ATP8A2: variants seen among roughly 807,000 people sequenced by gnomAD.
ATP8A2 encodes ATPase phospholipid transporting 8A2, also known as phospholipid-transporting ATPase IB.
ATP8A2 carries 100 observed loss-of-function variants against 165.6 expected under a neutral mutation model. The observed-to-expected ratio is 0.60, with a 90% CI of 0.51 to 0.71. The LOEUF is 0.71. Among genes scored for constraint, ATP8A2 ranks in the 30% least tolerant of loss-of-function variants. ATP8A2 has a pLI of 0.00. For missense variants in ATP8A2, 1,227 were observed against 1,479.5 expected, an observed-to-expected ratio of 0.83 and a Z score of 2.80; for synonymous variants, 543 against 548.8, an observed-to-expected ratio of 0.99 and a Z score of 0.15.
At chr13:25,748,642 T>C (rs1443166993) in intron 25 of ATP8A2, among the ~76,000 whole-genome samples, 1 of 152,314 alleles carries the variant, frequency 6.6e-6, no homozygotes, top group Non-Finnish European at 1.5e-5. Context: ...CAAAAGAAGT[T>C]ACTGCTCTGC....
At chr13:25,699,732 TG>T (rs1051231697) in intron 25 of ATP8A2, among the ~76,000 whole-genome samples, 28 of 152,262 alleles carry the variant, frequency 1.8e-4, no homozygotes, top group African/African-American at 6.0e-4. Context: ...TGGCGTTTGT[TG>T]GGGTATTTCT....
intron 33 of ATP8A2, among the ~76,000 whole-genome samples, chr13:25,893,861 G>A (rs914095517): frequency 1.1e-4 from 17 of 152,248 alleles, no homozygotes; most frequent in East Asian, 7.7e-4. Flanking sequence ...TTTGAGAAGT[G>A]TCTGTTCATA....
intron 2 of ATP8A2, among the ~76,000 whole-genome samples, chr13:25,470,970 G>A (rs1011878482): frequency 6.6e-6 from 1 of 152,052 alleles, no homozygotes; most frequent in East Asian, 1.9e-4. Flanking sequence ...GAGAGAAAAG[G>A]TTGGGGGGAA....
chr13:25,784,003 T>G (rs1322983516), intron 27 of ATP8A2, among the ~76,000 whole-genome samples: 2 of 152,138 alleles, frequency 1.3e-5, no homozygotes, highest in Non-Finnish European at 2.9e-5. Context: ...AGAGAAATAC[T>G]AGCAGTCTGG....
At chr13:25,425,643 C>T (rs1214996640) in intron 1 of ATP8A2, among the ~76,000 whole-genome samples, 3 of 151,582 alleles carry the variant, frequency 2.0e-5, no homozygotes, top group East Asian at 3.9e-4. Flanking sequence ...GGCACAATCT[C>T]GGCTCACTGC....
chr13:25,774,899 C>T lies in ATP8A2; in HGVS notation c.2619C>T (p.Asn873=), dbSNP rs2044707413. 6.2e-7 allele frequency: 1 copy of T among 1,613,924 alleles called. No individual in the cohort carries two copies. The highest frequency in any genetic ancestry group is 8.5e-7 in the Non-Finnish European group (1 of 1,179,850). Residue 873 remains asparagine, a synonymous_variant, in exon 27 of 37, where the codon AAC becomes AAT. Coordinates refer to ENST00000381655, the MANE Select transcript of ATP8A2 (RefSeq NM_016529.6). ...LLLVHGAWSY[N]RVTKCILYCF... ...TGGTTCATGGAGCCTGGAGCTACAA[C>T]CGGGTGACCAAGTGCATCTTGTACT...
chr13:25,793,035 GGAGAA>G lies in ATP8A2; in HGVS notation c.2679+18095_2679+18099del, dbSNP rs369418002. Among the ~76,000 whole-genome samples, 310 of 121,588 alleles carry G rather than the reference GGAGAA, an allele frequency of 2.5e-3. 6 individuals carry two copies. The East Asian group carries it at 0.047, about 18-fold the overall frequency. 79.8% of individuals were successfully genotyped at this position (121,588 alleles called of 152,430 possible). ...GCAGGAGAGAAGAGAGGAGAAGAGAGGAGAAGAGAAGAGAAGAGAAGAGCAAAACT... is the reference window on the plus strand; with the variant it reads ...GCAGGAGAGAAGAGAGGAGAAGAGAGGAGAAGAGAAGAGAAGAGCAAAACT... On this transcript the variant is annotated intron_variant, in intron 27 of 36. Coordinates refer to ENST00000381655, the MANE Select transcript of ATP8A2 (RefSeq NM_016529.6).
At chr13:25,991,725 C>T (rs9578947) in intron 35 of ATP8A2, among the ~76,000 whole-genome samples, 2,350 of 152,248 alleles carry the variant, frequency 0.015, 61 homozygotes, top group African/African-American at 0.053. Context: ...ATGTACCACG[C>T]GTTGCTTGAC....
At chr13:25,961,379 A>G (rs2296243) in intron 33 of ATP8A2, among the ~76,000 whole-genome samples, 196 bp from the exon 34 acceptor site, 17,006 of 152,264 alleles carry the variant, frequency 0.11, 1,621 homozygotes, top group East Asian at 0.49. Flanking sequence ...GAATGAAAGT[A>G]AGAAGAGAGA....
At chr13:25,979,041 G>A (rs562354113) in intron 35 of ATP8A2, among the ~76,000 whole-genome samples, 1 of 150,692 alleles carries the variant, frequency 6.6e-6, no homozygotes, top group East Asian at 1.9e-4. Context: ...GGCCCCTGAC[G>A]TGGTCTCTGT....
At chr13:25,396,248 G>A (rs1273379849) in intron 1 of ATP8A2, among the ~76,000 whole-genome samples, 1 of 152,184 alleles carries the variant, frequency 6.6e-6, no homozygotes, top group Non-Finnish European at 1.5e-5. Context: ...TGTGGAGTGG[G>A]ATCCTCTCTG....
intron 27 of ATP8A2, among the ~76,000 whole-genome samples, chr13:25,783,161 G>A (rs74039727): frequency 0.014 from 2,061 of 152,226 alleles, 39 homozygotes; most frequent in African/African-American, 0.045. Context: ...GCTGTACAGC[G>A]TAAGTGCTCT....
chr13:25,395,114 GTCTTT>G (rs1443286629), intron 1 of ATP8A2, among the ~76,000 whole-genome samples: 1 of 152,110 alleles, frequency 6.6e-6, no homozygotes, highest in African/African-American at 2.4e-5. Flanking sequence ...AAATTTGCAT[GTCTTT>G]TCTTCTCTTC....
chr13:25,394,777 G>C (rs140728413), intron 1 of ATP8A2, among the ~76,000 whole-genome samples: 41 of 152,324 alleles, frequency 2.7e-4, no homozygotes, highest in Middle Eastern at 6.8e-3. Context: ...ATTTGTAAAA[G>C]TGTCTCCCTC....
intron 24 of ATP8A2, among the ~76,000 whole-genome samples, chr13:25,695,604 T>G (rs776956458): frequency 1.3e-5 from 2 of 152,266 alleles, no homozygotes; most frequent in Non-Finnish European, 2.9e-5. Flanking sequence ...ATTTCAAGAA[T>G]GTTCACGGCG....
chr13:25,776,032 G>T (rs1295129160), intron 27 of ATP8A2, among the ~76,000 whole-genome samples: 2 of 152,194 alleles, frequency 1.3e-5, no homozygotes, highest in African/African-American at 4.8e-5. Flanking sequence ...TCCCCAAGTT[G>T]TGCAGGTTGT....
At chr13:25,494,207 G>A (rs944453353) in intron 2 of ATP8A2, among the ~76,000 whole-genome samples, 2 of 152,058 alleles carry the variant, frequency 1.3e-5, no homozygotes, top group Non-Finnish European at 2.9e-5. Context: ...TCTGTTAAGG[G>A]ACCCACTTAG....
At chr13:25,826,843 G>C (rs1434416814) in intron 27 of ATP8A2, among the ~76,000 whole-genome samples, 3 of 147,860 alleles carry the variant, frequency 2.0e-5, no homozygotes, top group Non-Finnish European at 4.5e-5. Flanking sequence ...CCGGTGGCTC[G>C]GCCCTCTTCT....
At chr13:25,858,267 A>T (rs1171338340) in intron 30 of ATP8A2, among the ~76,000 whole-genome samples, 2 of 152,180 alleles carry the variant, frequency 1.3e-5, no homozygotes, top group African/African-American at 4.8e-5. Flanking sequence ...CTTGGGATTA[A>T]TTCAGCCTTT....
Sources: gnomAD v4.1 joint callset for allele counts (sites outside exome capture counted in the v4.1 genomes callset) on GRCh38, gnomAD v4.1.1 for gene constraint, MANE v1.5 for transcripts, NCBI Gene and HGNC (gene_info 2026-07-23, HGNC 2026-07-21) for gene names.